The following NPTN variants were observed in gnomAD, a reference collection of about 807,000 sequenced individuals.
NPTN encodes the protein SDR-1.
A neutral mutation model predicts 42.7 loss-of-function variants in NPTN; 5 were observed. The observed-to-expected ratio is 0.12, with a 90% CI of 0.06 to 0.25. The LOEUF (loss-of-function observed/expected upper bound fraction) is 0.25, where lower values mean the gene tolerates loss of function less well. Among genes scored for constraint, NPTN ranks in the 10% least tolerant of loss-of-function variants. The pLI, the probability that NPTN is intolerant of heterozygous loss-of-function variation, is 1.00. For synonymous variants in NPTN, 180 were observed against 201.9 expected (o/e 0.89, Z 0.92); for missense variants, 307 against 525.4 (o/e 0.58, Z 4.06).
chr15:73,597,511 CT>C lies in NPTN; in HGVS notation c.92-143del. On this transcript the variant is annotated intron_variant, in intron 1 of 8. Transcript: ENST00000345330. The surrounding 1 kb of genome is among the most constrained non-coding windows in gnomAD (Gnocchi z 6.3). ...GAACAAAAAAGGATTCATTTTTAAACTATAAAGAGACAGTACAGCAATTCAT... is the reference window on the plus strand; with the variant it reads ...GAACAAAAAAGGATTCATTTTTAAACATAAAGAGACAGTACAGCAATTCAT... 1 of 672,980 alleles carries C rather than the reference CT, an allele frequency of 1.5e-6. No individual in the cohort carries two copies. Among genetic ancestry groups the C allele is most frequent in the Non-Finnish European group, 2.5e-6 (1 of 401,922 alleles). 41.7% of individuals were successfully genotyped at this position (672,980 alleles called of 1,614,324 possible). A position where few individuals can be genotyped will look rare whatever the true frequency, so the allele number is the denominator to read the frequency against.
chr15:73,605,249 A>AT (rs1460677097), intron 1 of NPTN, among the ~76,000 whole-genome samples: 1 of 152,106 alleles, frequency 6.6e-6, no homozygotes, highest in Non-Finnish European at 1.5e-5. Flanking sequence ...AAATCTTTCC[A>AT]TTTTCCAAAA....
In NPTN at chr15:73,633,207, A is replaced by T. The variant is rs774257437; in HGVS notation, c.9T>A (p.Gly3=). 49 of 1,467,820 alleles carry T rather than the reference A, an allele frequency of 3.3e-5. 1 individual carries two copies. The East Asian group carries it at 8.9e-4, about 27-fold the overall frequency. The allele number at this position is 1,467,820 out of a possible 1,614,324, so 90.9% of individuals were successfully genotyped here. MS[G]SSLPSALALS... Reference sequence around the variant, plus strand: ...GGGCCAGGGCGCTGGGCAGCGACGAACCCGACATCCTCCCTAGCAGAAGAC... The same window carrying T: ...GGGCCAGGGCGCTGGGCAGCGACGATCCCGACATCCTCCCTAGCAGAAGAC... The change falls in exon 1 of 9, where the codon GGT becomes GGA. Residue 3 remains glycine (G), a synonymous_variant. Transcript: ENST00000345330.
At chr15:73,618,480 A>C (rs937781419) in intron 1 of NPTN, among the ~76,000 whole-genome samples, 6 of 152,204 alleles carry the variant, frequency 3.9e-5, no homozygotes, top group Non-Finnish European at 7.3e-5. Context: ...TTAAGTGGCA[A>C]ATGTTTATCT....
At chr15:73,631,019 T>C (rs1408944046) in intron 1 of NPTN, among the ~76,000 whole-genome samples, 1 of 152,258 alleles carries the variant, frequency 6.6e-6, no homozygotes, top group African/African-American at 2.4e-5. Context: ...TTCAAGCTCA[T>C]TTCAAGGGAA....
intron 6 of NPTN, among the ~76,000 whole-genome samples, chr15:73,564,025 C>A (rs1305353620): frequency 2.6e-5 from 4 of 152,148 alleles, no homozygotes; most frequent in South Asian, 2.1e-4. Flanking sequence ...TTTTTAAAAT[C>A]AAAAAGCTGA....
intron 1 of NPTN, chr15:73,599,414 G>A (rs978189567): frequency 6.5e-6 from 1 of 152,722 alleles, no homozygotes; most frequent in African/African-American, 2.4e-5. Context: ...AGGAGTTCAA[G>A]ACCAGCCTGG....
intron 1 of NPTN, among the ~76,000 whole-genome samples, chr15:73,615,052 T>C (rs1198270941): frequency 6.6e-6 from 1 of 152,150 alleles, no homozygotes; most frequent in Non-Finnish European, 1.5e-5. Context: ...TTAACCACTG[T>C]TTTCCAAGTT....
intron 5 of NPTN, among the ~76,000 whole-genome samples, chr15:73,573,205 C>T (rs1175713522): frequency 6.6e-6 from 1 of 152,188 alleles, no homozygotes; most frequent in African/African-American, 2.4e-5. Flanking sequence ...AATGCCTCAC[C>T]TTCAGTTACA....
chr15:73,593,872 G>A (rs1399362880), intron 2 of NPTN, among the ~76,000 whole-genome samples: 1 of 152,162 alleles, frequency 6.6e-6, no homozygotes, highest in Non-Finnish European at 1.5e-5. Context: ...AGAAGCAGAT[G>A]CATGTAAACA....
intron 6 of NPTN, chr15:73,567,660 A>G: frequency 1.0e-6 from 1 of 985,420 alleles, no homozygotes; most frequent in Non-Finnish European, 1.2e-6. Flanking sequence ...AGGAAAGGAG[A>G]AGAAAAGCGG....
At chr15:73,600,937 C>G (rs1244690801) in intron 1 of NPTN, among the ~76,000 whole-genome samples, 1 of 152,122 alleles carries the variant, frequency 6.6e-6, no homozygotes, top group Non-Finnish European at 1.5e-5. Context: ...CTGGAGAAGG[C>G]TGGCTTCAGA....
chr15:73,578,219 C>T (rs769703948), intron 4 of NPTN, among the ~76,000 whole-genome samples: 2 of 152,034 alleles, frequency 1.3e-5, no homozygotes, highest in African/African-American at 2.4e-5. Flanking sequence ...AGCCGGGAAG[C>T]CACTGGTGAA....
chr15:73,573,976 T>C (rs1895549201), intron 4 of NPTN, among the ~76,000 whole-genome samples, 181 bp from the exon 5 acceptor site: 1 of 152,150 alleles, frequency 6.6e-6, no homozygotes, highest in Admixed American at 6.5e-5. Flanking sequence ...ACCCATCCTC[T>C]ACCCCCCACC....
At chr15:73,601,905 AGC>A (rs888677881) in intron 1 of NPTN, among the ~76,000 whole-genome samples, 5 of 152,168 alleles carry the variant, frequency 3.3e-5, no homozygotes, top group African/African-American at 1.2e-4. Flanking sequence ...ACCCAAGAGA[AGC>A]GTAATGTAAA....
chr15:73,615,757 G>T (rs1334439082), intron 1 of NPTN, among the ~76,000 whole-genome samples: 1 of 152,134 alleles, frequency 6.6e-6, no homozygotes, highest in African/African-American at 2.4e-5. Flanking sequence ...TTTAAAAGCT[G>T]ATGTTCCTAA....
intron 4 of NPTN, among the ~76,000 whole-genome samples, chr15:73,574,056 A>G (rs944133013): frequency 1.3e-5 from 2 of 152,238 alleles, no homozygotes; most frequent in Non-Finnish European, 2.9e-5. Flanking sequence ...GTGATTCTCC[A>G]ACCTACTGGA....
In NPTN at chr15:73,569,501, A is replaced by C. The variant is rs188391051; in HGVS notation, c.1114+649T>G. The C allele has an allele frequency of 1.3e-5, 13 of 985,408 alleles. No individual in the cohort carries two copies. The highest frequency in any genetic ancestry group is 3.6e-6 in the Non-Finnish European group (3 of 829,932). 61.0% of individuals were successfully genotyped at this position (985,408 alleles called of 1,614,324 possible). A position where few individuals can be genotyped will look rare whatever the true frequency, so the allele number is the denominator to read the frequency against. On this transcript the variant is annotated intron_variant, in intron 6 of 8. Transcript: ENST00000345330. This position sits in a 1 kb window ranked among gnomAD's most constrained non-coding sequence, Gnocchi z 4.1. ...GTTCCGCCTTTGCTATCTCTGTCTT[A>C]CACTAGATGGGTGGATACATCAGAC...
intron 1 of NPTN, among the ~76,000 whole-genome samples, chr15:73,618,370 C>T (rs1267074219): frequency 6.6e-6 from 1 of 152,170 alleles, no homozygotes; most frequent in Non-Finnish European, 1.5e-5. Flanking sequence ...GGAAACACTC[C>T]TGCTCAATAA....
rs1336144728 is a variant in NPTN at position 73,599,643 on chromosome 15, AAAGG to A, written c.92-2278_92-2275del. ...AAAAAAAGAAAGAAAGAAAGAAAGA[AAAGG>A]AAGGGAGGGAGGGAGGGGAAGTAAA... On this transcript the variant is annotated intron_variant, in intron 1 of 8. Coordinates refer to ENST00000345330, the MANE Select transcript of NPTN (RefSeq NM_012428.4). The A allele has an allele frequency of 2.8e-5, 4 of 142,892 alleles. No individual in the cohort carries two copies. The East Asian group carries it at 6.2e-4, about 22-fold the overall frequency. 8.9% of individuals were successfully genotyped at this position (142,892 alleles called of 1,614,324 possible).
Sources: gnomAD v4.1 joint callset for allele counts (sites outside exome capture counted in the v4.1 genomes callset) on GRCh38, gnomAD v4.1.1 for gene constraint, Gnocchi (gnomAD v3.1) non-coding constraint, MANE v1.5 for transcripts, NCBI Gene and HGNC (gene_info 2026-07-23, HGNC 2026-07-21) for gene names.